The following TSHZ3 variants were observed in gnomAD, a reference collection of about 807,000 sequenced individuals.
TSHZ3 encodes teashirt zinc finger homeobox 3.
Under a neutral mutation model 64.5 loss-of-function variants are expected in TSHZ3, and 10 were observed. The ratio of observed to expected loss-of-function variants is 0.16; its 90% CI spans 0.10 to 0.26. TSHZ3 has a LOEUF of 0.26. Among genes scored for constraint, TSHZ3 ranks in the 10% least tolerant of loss-of-function variants. TSHZ3 has a pLI of 1.00. For synonymous variants in TSHZ3, 608 were observed against 593.1 expected, an observed-to-expected ratio of 1.03 and a Z score of -0.36; for missense variants, 1,242 against 1,421.7, an observed-to-expected ratio of 0.87 and a Z score of 2.03.
At chr19:31,259,576 C>T (rs181357362) in intron 1 of TSHZ3, among the ~76,000 whole-genome samples, 2 of 151,922 alleles carry the variant, frequency 1.3e-5, no homozygotes, top group East Asian at 1.9e-4. Context: ...GGCAGGGAGG[C>T]CACTGAGGGT....
At chr19:31,222,945 C>T (rs1438896813) in intron 4 of TSHZ3, among the ~76,000 whole-genome samples, 1 of 152,198 alleles carries the variant, frequency 6.6e-6, no homozygotes, top group Non-Finnish European at 1.5e-5. Context: ...GAGTCTCCCG[C>T]TGCCTGCCCA....
chr19:31,255,373 C>A (rs867962410), intron 1 of TSHZ3, among the ~76,000 whole-genome samples: 3 of 152,230 alleles, frequency 2.0e-5, no homozygotes, highest in Admixed American at 1.3e-4. Context: ...AAACTCCAGG[C>A]CTGCTTCATA....
chr19:31,158,067 T>C (rs559958301), intron 5 of TSHZ3, among the ~76,000 whole-genome samples: 1 of 152,334 alleles, frequency 6.6e-6, no homozygotes, highest in South Asian at 2.1e-4. Context: ...GACAAAACTA[T>C]AGATATACAT....
At chr19:31,244,159 T>C (rs891206690) in intron 1 of TSHZ3, among the ~76,000 whole-genome samples, 1 of 152,186 alleles carries the variant, frequency 6.6e-6, no homozygotes, top group Admixed American at 6.5e-5. Flanking sequence ...TCATGTCAAA[T>C]TGTAATGCCC....
chr19:31,273,180 C>T (rs995991368), downstream of TSHZ3, among the ~76,000 whole-genome samples: 5 of 152,130 alleles, frequency 3.3e-5, no homozygotes, highest in South Asian at 4.1e-4. Flanking sequence ...AAACCATATC[C>T]GCCATGCTGC....
chr19:31,321,084 A>G (rs1916756779), intron 1 of TSHZ3, among the ~76,000 whole-genome samples: 1 of 152,256 alleles, frequency 6.6e-6, no homozygotes, highest in Non-Finnish European at 1.5e-5. Flanking sequence ...TAAAGAATGT[A>G]AAACTGTGTC....
rs938806806 is a variant in TSHZ3, at chr19:31,172,249, G to A, written n.810-15832C>T. Among the ~76,000 whole-genome samples, 5 of 152,208 alleles carry A rather than the reference G, an allele frequency of 3.3e-5. No individual in the cohort carries two copies. The South Asian group carries it at 1.0e-3, about 32-fold the overall frequency. The stretch of plus-strand genomic sequence containing the variant: ...TCAACTTAGTGACAACCAGCAAGTT[G>A]TAGATCCTCTCTATGCCTCAATGTG... On this transcript the variant is annotated intron_variant and non_coding_transcript_variant, in intron 5 of 6. Transcript: ENST00000651361.
At chr19:31,207,852 C>T (rs1378190070) in intron 4 of TSHZ3, among the ~76,000 whole-genome samples, 3 of 152,118 alleles carry the variant, frequency 2.0e-5, no homozygotes, top group African/African-American at 4.8e-5. Flanking sequence ...TTGAATGATA[C>T]CTGATTAATG....
At chr19:31,295,470 C>T (rs149650776) in intron 1 of TSHZ3, among the ~76,000 whole-genome samples, 66 of 152,314 alleles carry the variant, frequency 4.3e-4, no homozygotes, top group Non-Finnish European at 1.5e-4. Context: ...GAGTGCCATG[C>T]CACAGACAAA....
At chr19:31,235,349 C>T (rs546608273) in intron 3 of TSHZ3, among the ~76,000 whole-genome samples, 1 of 151,546 alleles carries the variant, frequency 6.6e-6, no homozygotes, top group South Asian at 2.1e-4. Flanking sequence ...TTCCCCATTT[C>T]CCCCCAACCC....
chr19:31,156,828 C>T (rs1434866680), intron 5 of TSHZ3, among the ~76,000 whole-genome samples: 1 of 152,158 alleles, frequency 6.6e-6, no homozygotes, highest in Non-Finnish European at 1.5e-5. Context: ...ATCCTGGTCC[C>T]TTCCTTAATC....
At chr19:31,171,092 G>A (rs1413150378) in intron 5 of TSHZ3, among the ~76,000 whole-genome samples, 1 of 152,116 alleles carries the variant, frequency 6.6e-6, no homozygotes, top group Admixed American at 6.5e-5. Flanking sequence ...GGGAAAAATG[G>A]TCTCAGTAAA....
At chr19:31,217,687 G>A (rs577929531) in intron 4 of TSHZ3, among the ~76,000 whole-genome samples, 29 of 152,134 alleles carry the variant, frequency 1.9e-4, no homozygotes, top group African/African-American at 2.2e-4. Flanking sequence ...GTAAGGGTTC[G>A]CTCTTGGTGT....
At chr19:31,272,185 G>A (rs577596360), downstream of TSHZ3, among the ~76,000 whole-genome samples, 1 of 152,282 alleles carries the variant, frequency 6.6e-6, no homozygotes, top group East Asian at 1.9e-4. Flanking sequence ...GCCACTCACG[G>A]GTTTCTGTCT....
intron 6 of TSHZ3, among the ~76,000 whole-genome samples, chr19:31,155,679 G>T (rs1974297892): frequency 6.6e-6 from 1 of 152,128 alleles, no homozygotes; most frequent in Non-Finnish European, 1.5e-5. Context: ...ACTTTAGATG[G>T]CTTTCAGACA....
chr19:31,287,957 C>T (rs1353180302), intron 1 of TSHZ3, among the ~76,000 whole-genome samples: 1 of 151,860 alleles, frequency 6.6e-6, no homozygotes, highest in Non-Finnish European at 1.5e-5. Context: ...TTTTTTGAGA[C>T]AGGGTTATGC....
At chr19:31,204,974 C>G (rs539611244) in exon 5 of TSHZ3, 2 of 152,238 alleles carry the variant, frequency 1.3e-5, no homozygotes, top group Non-Finnish European at 2.9e-5. Flanking sequence ...AGGTGGATCA[C>G]GGGGATTTTG....
chr19:31,203,821 T>C (rs1026449504), intron 5 of TSHZ3, among the ~76,000 whole-genome samples: 2 of 151,782 alleles, frequency 1.3e-5, no homozygotes, highest in South Asian at 2.1e-4. Flanking sequence ...CTTTCTTTCT[T>C]CTCCCCTCTC....
chr19:31,245,009 T>A (rs1303288444), intron 1 of TSHZ3, among the ~76,000 whole-genome samples: 2 of 152,216 alleles, frequency 1.3e-5, no homozygotes, highest in Non-Finnish European at 2.9e-5. Flanking sequence ...GTCAAATAAA[T>A]ACTCTATGTA....
Sources: allele counts gnomAD v4.1 joint callset (sites outside exome capture counted in the v4.1 genomes callset), GRCh38; gene constraint gnomAD v4.1.1; transcripts MANE v1.5; gene names NCBI Gene and HGNC (gene_info 2026-07-23, HGNC 2026-07-21).